SEC11A: variants seen among roughly 807,000 people sequenced by gnomAD.
SEC11A encodes the protein SEC11 homolog A, signal peptidase complex subunit.
Under a neutral mutation model 25.6 loss-of-function variants are expected in SEC11A, and 14 were observed. The ratio of observed to expected loss-of-function variants is 0.55; its 90% CI spans 0.36 to 0.85. The LOEUF is 0.85. Among genes scored for constraint, SEC11A ranks in the 40% least tolerant of loss-of-function variants. The pLI, the probability that SEC11A is intolerant of heterozygous loss-of-function variation, is 0.01. For missense variants in SEC11A, 153 were observed against 222.9 expected (o/e 0.69, Z 2.00); for synonymous variants, 83 against 76.4 (o/e 1.09, Z -0.45).
chr15:84,692,229 A>T (rs1276381972), intron 1 of SEC11A: 1 of 152,052 alleles, frequency 6.6e-6, no homozygotes, highest in Non-Finnish European at 1.5e-5. Flanking sequence ...ACTGGGTTTC[A>T]CCATGTTGAT....
chr15:84,690,570 C>T (rs920886564), intron 2 of SEC11A, among the ~76,000 whole-genome samples: 2 of 151,898 alleles, frequency 1.3e-5, no homozygotes, highest in East Asian at 1.9e-4. Context: ...TGAGTTATGA[C>T]GGCGCCACTG....
intron 1 of SEC11A, among the ~76,000 whole-genome samples, chr15:84,710,416 T>C (rs994563283): frequency 1.3e-5 from 2 of 152,112 alleles, no homozygotes; most frequent in African/African-American, 4.8e-5. Context: ...GGCGGATCAC[T>C]TGAGGTCAGG....
chr15:84,695,090 A>T (rs1897726585), intron 1 of SEC11A, among the ~76,000 whole-genome samples: 1 of 15,786 alleles, frequency 6.3e-5, no homozygotes, highest in Non-Finnish European at 1.4e-4. Context: ...ACTCCATCTA[A>T]AAAAAAAAAA....
intron 1 of SEC11A, among the ~76,000 whole-genome samples, chr15:84,694,402 G>A (rs897726160): frequency 6.6e-6 from 1 of 151,574 alleles, no homozygotes; most frequent in Non-Finnish European, 1.5e-5. Flanking sequence ...TATATTTGGG[G>A]GTGTAATACT....
chr15:84,694,583 A>G (rs1897704881), intron 1 of SEC11A, among the ~76,000 whole-genome samples: 1 of 152,124 alleles, frequency 6.6e-6, no homozygotes. Flanking sequence ...CATCTCTTCT[A>G]GCTATTCATT....
intron 1 of SEC11A, among the ~76,000 whole-genome samples, chr15:84,712,435 C>G (rs554025807): frequency 6.9e-6 from 1 of 144,368 alleles, no homozygotes; most frequent in East Asian, 2.2e-4. Flanking sequence ...GAAACATACT[C>G]TTTTCTTTTT....
intron 1 of SEC11A, among the ~76,000 whole-genome samples, chr15:84,709,004 T>C (rs1258735742): frequency 6.6e-6 from 1 of 152,024 alleles, no homozygotes; most frequent in Non-Finnish European, 1.5e-5. Context: ...ATAAGTGGCC[T>C]GCGGGGAGCT....
At chr15:84,696,090 T>C (rs1342576423) in intron 1 of SEC11A, among the ~76,000 whole-genome samples, 1 of 152,144 alleles carries the variant, frequency 6.6e-6, no homozygotes, top group Non-Finnish European at 1.5e-5. Flanking sequence ...GCCGAGACAA[T>C]TAGAAATATT....
intron 1 of SEC11A, among the ~76,000 whole-genome samples, chr15:84,693,247 G>C (rs757147088): frequency 9.2e-5 from 14 of 151,918 alleles, no homozygotes; most frequent in South Asian, 6.2e-4. Context: ...GTACTAAAGA[G>C]ATATAACAAC....
Position 84,669,862 on chromosome 15 carries a change from C to CA in SEC11A, c.*156dup, listed in dbSNP as rs1252730504. The CA allele has an allele frequency of 1.4e-6, 2 of 1,429,174 alleles. No homozygotes were observed. The highest frequency in any genetic ancestry group is 1.9e-6 in the Non-Finnish European group (2 of 1,048,072). 88.5% of individuals were successfully genotyped at this position (1,429,174 alleles called of 1,614,324 possible). On this transcript the variant is annotated 3_prime_UTR_variant, in exon 6 of 6. Transcript: ENST00000268220. ...TGTGGTGCACATGCGCCCGCCCACACAAACTCTGGCATGGAAACATAAACT... is the reference window on the plus strand; with the variant it reads ...TGTGGTGCACATGCGCCCGCCCACACAAAACTCTGGCATGGAAACATAAACT...
intron 4 of SEC11A, among the ~76,000 whole-genome samples, chr15:84,674,236 T>C (rs1897077073): frequency 6.6e-6 from 1 of 150,764 alleles, no homozygotes; most frequent in African/African-American, 2.4e-5. Flanking sequence ...TATATATTAT[T>C]TTTCCTTTTT....
intron 4 of SEC11A, among the ~76,000 whole-genome samples, chr15:84,678,793 G>C (rs1297243253): frequency 6.6e-6 from 1 of 151,918 alleles, no homozygotes; most frequent in Non-Finnish European, 1.5e-5. Context: ...GGGAGTTTGA[G>C]ACCAGCCTGG....
intron 1 of SEC11A, among the ~76,000 whole-genome samples, chr15:84,707,320 G>A (rs2141921963): frequency 6.6e-6 from 1 of 151,710 alleles, no homozygotes; most frequent in African/African-American, 2.4e-5. Context: ...CGAGTAGCTG[G>A]GACTACAGGC....
At chr15:84,670,562 T>C in intron 5 of SEC11A, 163 bp downstream of exon 5, 2 of 415,942 alleles carry the variant, frequency 4.8e-6, no homozygotes, top group Non-Finnish European at 4.4e-6. Context: ...TTTTTTTTAA[T>C]AGAGACGGGG....
chr15:84,681,862 T>C (rs1804819574), intron 3 of SEC11A, among the ~76,000 whole-genome samples: 1 of 152,082 alleles, frequency 6.6e-6, no homozygotes, highest in Admixed American at 6.6e-5. Flanking sequence ...GTGGATCACT[T>C]GAGCCCAGGA....
At chr15:84,709,516 C>T (rs1311767112) in intron 1 of SEC11A, among the ~76,000 whole-genome samples, 2 of 151,828 alleles carry the variant, frequency 1.3e-5, no homozygotes, top group Admixed American at 6.6e-5. Context: ...GATCTTGGCT[C>T]ACTACGACCA....
intron 2 of SEC11A, among the ~76,000 whole-genome samples, chr15:84,690,609 C>T (rs944352063): frequency 5.2e-5 from 6 of 115,122 alleles, no homozygotes; most frequent in Non-Finnish European, 7.2e-5. Flanking sequence ...AGAGCGAGAC[C>T]CCATCTTTAA....
In SEC11A at chr15:84,691,835, A is replaced by T. The variant is rs867649321; in HGVS notation, c.52-191T>A. On this transcript the variant is annotated intron_variant, in intron 1 of 5. Coordinates refer to ENST00000268220, the MANE Select transcript of SEC11A (RefSeq NM_014300.4). ...AGGCCCCCCTTCTTTCACCCAAAGC[A>T]CCCTGCTCCATTTTGTTTGGTAAAA... 9.9e-5 allele frequency: 41 copies of T among 412,532 alleles called. No homozygotes were observed. In the Middle Eastern group the frequency reaches 1.4e-3, roughly 14 times the overall value. 25.6% of individuals were successfully genotyped at this position (412,532 alleles called of 1,614,324 possible). A position where few individuals can be genotyped will look rare whatever the true frequency, so the allele number is the denominator to read the frequency against.
At chr15:84,695,018 A>C (rs1255649320) in intron 1 of SEC11A, among the ~76,000 whole-genome samples, 3 of 127,192 alleles carry the variant, frequency 2.4e-5, no homozygotes, top group African/African-American at 9.1e-5. Flanking sequence ...TGAACCCGGG[A>C]GGTAGAGGTT....
Sources: gnomAD v4.1 joint callset for allele counts (sites outside exome capture counted in the v4.1 genomes callset) on GRCh38, gnomAD v4.1.1 for gene constraint, MANE v1.5 for transcripts, NCBI Gene and HGNC (gene_info 2026-07-23, HGNC 2026-07-21) for gene names.